Variants in PPM1E observed in about 807,000 individuals in gnomAD.
PPM1E encodes protein phosphatase 1E.
In PPM1E, 20 loss-of-function variants were observed where a neutral mutation model predicts 65.9. The ratio of observed to expected loss-of-function variants is 0.30; its 90% confidence interval spans 0.21 to 0.44. The LOEUF (loss-of-function observed/expected upper bound fraction) is 0.44, where lower values mean the gene tolerates loss of function less well. Among genes scored for constraint, PPM1E ranks in the 20% least tolerant of loss-of-function variants. PPM1E has a pLI of 1.00. For missense variants in PPM1E, 713 were observed against 953.1 expected (o/e 0.75, Z 3.32); for synonymous variants, 352 against 374.9 (o/e 0.94, Z 0.70).
intron 1 of PPM1E, among the ~76,000 whole-genome samples, chr17:58,827,172 C>G (rs944896382): frequency 7.4e-6 from 1 of 134,518 alleles, no homozygotes; most frequent in Non-Finnish European, 1.5e-5. Context: ...GAGTCTTGCT[C>G]TGTCACCCAG....
At chr17:58,831,765 C>G (rs1474902760) in intron 1 of PPM1E, among the ~76,000 whole-genome samples, 1 of 151,978 alleles carries the variant, frequency 6.6e-6, no homozygotes, top group Non-Finnish European at 1.5e-5. Flanking sequence ...AAGGTTGCTA[C>G]TCCTTCATTC....
intron 1 of PPM1E, among the ~76,000 whole-genome samples, chr17:58,834,537 A>C (rs774193843): frequency 3.9e-5 from 6 of 152,170 alleles, no homozygotes; most frequent in Non-Finnish European, 8.8e-5. Context: ...ACATCTGATA[A>C]AATTATGCAT....
At chr17:58,952,587 C>A (rs1310105261) in intron 1 of PPM1E, among the ~76,000 whole-genome samples, 1 of 152,152 alleles carries the variant, frequency 6.6e-6, no homozygotes, top group Non-Finnish European at 1.5e-5. Context: ...GCTTCTCAGG[C>A]CCAGGACACA....
At chr17:58,895,108 C>T (rs1024866520) in intron 1 of PPM1E, among the ~76,000 whole-genome samples, 1 of 152,074 alleles carries the variant, frequency 6.6e-6, no homozygotes. Flanking sequence ...CATCTGTAGT[C>T]GGTGATCTTT....
chr17:58,831,060 G>T (rs1055528903), intron 1 of PPM1E, among the ~76,000 whole-genome samples: 14 of 149,892 alleles, frequency 9.3e-5, no homozygotes, highest in Admixed American at 5.3e-4. Context: ...ACCCAGGCTG[G>T]AGTGCAGTAG....
chr17:58,838,806 C>T (rs1312169495), intron 1 of PPM1E, among the ~76,000 whole-genome samples: 1 of 152,096 alleles, frequency 6.6e-6, no homozygotes, highest in East Asian at 1.9e-4. Context: ...AATGGATAAC[C>T]AAACTATTGT....
chr17:58,822,010 G>A (rs12952325), intron 1 of PPM1E, among the ~76,000 whole-genome samples: 28,078 of 152,152 alleles, frequency 0.18, 2,766 homozygotes, highest in Non-Finnish European at 0.21. Context: ...GCAAAATATC[G>A]TTTTAAAGCA....
intron 1 of PPM1E, among the ~76,000 whole-genome samples, chr17:58,834,999 C>T (rs899500151): frequency 6.6e-6 from 1 of 152,098 alleles, no homozygotes; most frequent in African/African-American, 2.4e-5. Flanking sequence ...TCTCTAAAGC[C>T]TCCGAATCCA....
intron 1 of PPM1E, among the ~76,000 whole-genome samples, chr17:58,891,030 G>A (rs1190712654): frequency 6.6e-6 from 1 of 151,826 alleles, no homozygotes; most frequent in East Asian, 1.9e-4. Context: ...CAGTGCAATG[G>A]CGTAATCTCA....
chr17:58,933,227 T>C (rs919561903), intron 1 of PPM1E, among the ~76,000 whole-genome samples: 1 of 152,202 alleles, frequency 6.6e-6, no homozygotes, highest in African/African-American at 2.4e-5. Flanking sequence ...TCTTGTATAA[T>C]TAGTCTGCTG....
chr17:58,889,141 A>G (rs975366559), intron 1 of PPM1E, among the ~76,000 whole-genome samples: 1 of 152,218 alleles, frequency 6.6e-6, no homozygotes, highest in African/African-American at 2.4e-5. Context: ...CTACTTTTCT[A>G]TAAAGGTTAA....
intron 1 of PPM1E, among the ~76,000 whole-genome samples, chr17:58,783,972 A>G (rs1164952913): frequency 6.6e-6 from 1 of 150,424 alleles, no homozygotes; most frequent in Non-Finnish European, 1.5e-5. Context: ...CAGCCTCCCA[A>G]AGTGTTGGGA....
At position 58,887,052 on chromosome 17, in the gene PPM1E, G is replaced by A. The variant is rs570816147; in HGVS notation, c.465-68597G>A. ...AAAATGTTAGCACTGCATATATAAA[G>A]CTCTGTGCATCCTAGGTAGCAAATT... On this transcript the variant is annotated intron_variant, in intron 1 of 6. Transcript: ENST00000308249. 4.0e-3 allele frequency among the ~76,000 whole-genome samples: 614 copies of A among 152,018 alleles called. 2 individuals carry two copies. The highest frequency in any genetic ancestry group is 6.5e-3 in the Non-Finnish European group (440 of 67,986).
chr17:58,782,752 A>T (rs1404909063), intron 1 of PPM1E, among the ~76,000 whole-genome samples: 1 of 152,102 alleles, frequency 6.6e-6, no homozygotes, highest in East Asian at 1.9e-4. Flanking sequence ...AAAGATGAAT[A>T]TAGAAAAGTG....
intron 1 of PPM1E, among the ~76,000 whole-genome samples, chr17:58,905,179 A>G (rs1481867049): frequency 6.6e-6 from 1 of 152,166 alleles, no homozygotes; most frequent in Non-Finnish European, 1.5e-5. Context: ...CTTCCTTCCT[A>G]ATCAGTATAC....
intron 1 of PPM1E, among the ~76,000 whole-genome samples, chr17:58,757,352 G>C (rs2049779138): frequency 6.6e-6 from 1 of 152,174 alleles, no homozygotes; most frequent in Non-Finnish European, 1.5e-5. Flanking sequence ...AAAGGTCAAG[G>C]CTTTGCCTTT....
chr17:58,797,976 G>A (rs181966515), intron 1 of PPM1E, among the ~76,000 whole-genome samples: 11 of 152,234 alleles, frequency 7.2e-5, no homozygotes, highest in East Asian at 1.9e-4. Context: ...GGCTAGTCTC[G>A]TGGGCATGTA....
At position 58,962,284 on chromosome 17, in the gene PPM1E, C is replaced by CA. The variant is rs768983417; in HGVS notation, c.584-3395dup. Among the ~76,000 whole-genome samples the CA allele has an allele frequency of 4.9e-3, 390 of 78,806 alleles. 3 individuals are homozygous for CA. The highest frequency in any genetic ancestry group is 0.017 in the East Asian group (50 of 2,920). The allele number at this position is 78,806 out of a possible 152,430, so 51.7% of individuals were successfully genotyped here. ...GGACAACAAGAGTGAAACTCCATCT[C>CA]AAAAAAAAAAAAAAAGAAAAATGTA... is the stretch of plus-strand genomic sequence containing the variant. On this transcript the variant is annotated intron_variant, in intron 2 of 6. Coordinates refer to ENST00000308249, the MANE Select transcript of PPM1E (RefSeq NM_014906.5).
chr17:58,881,928 G>A (rs987341755), intron 1 of PPM1E, among the ~76,000 whole-genome samples: 1 of 150,484 alleles, frequency 6.6e-6, no homozygotes, highest in African/African-American at 2.4e-5. Flanking sequence ...GAATACTGAG[G>A]CAGTTGGATG....
Sources: allele counts gnomAD v4.1 joint callset (sites outside exome capture counted in the v4.1 genomes callset), GRCh38; gene constraint gnomAD v4.1.1; transcripts MANE v1.5; gene names NCBI Gene and HGNC (gene_info 2026-07-23, HGNC 2026-07-21).